The following PTPRM variants were observed in gnomAD, a reference collection of about 807,000 sequenced individuals.
The protein encoded by PTPRM is protein tyrosine phosphatase receptor type M, also known as receptor-type tyrosine-protein phosphatase mu.
PTPRM carries 47 observed loss-of-function variants against 186.7 expected under a neutral mutation model. That is an observed-to-expected ratio of 0.25 (90% CI 0.20 to 0.32). PTPRM has a LOEUF of 0.32. PTPRM is among the 10% of genes least tolerant of loss of function. PTPRM has a pLI of 1.00. For synonymous variants in PTPRM, 668 were observed against 674.9 expected, an observed-to-expected ratio of 0.99 and a Z score of 0.16; for missense variants, 1,494 against 1,865.0, an observed-to-expected ratio of 0.80 and a Z score of 3.66.
chr18:8,070,802 A>G (rs1275448208), intron 8 of PTPRM, among the ~76,000 whole-genome samples: 2 of 152,234 alleles, frequency 1.3e-5, no homozygotes, highest in Non-Finnish European at 2.9e-5. Context: ...AATGAATGAC[A>G]AAGAATGTAG....
intron 7 of PTPRM, among the ~76,000 whole-genome samples, chr18:7,966,487 A>C (rs994904626): frequency 6.6e-6 from 1 of 152,074 alleles, no homozygotes; most frequent in Non-Finnish European, 1.5e-5. Context: ...TCCGGTCTAC[A>C]GCTCCCAGCG....
intron 24 of PTPRM, among the ~76,000 whole-genome samples, chr18:8,374,329 AC>A (rs2095682329): frequency 6.6e-6 from 1 of 151,882 alleles, no homozygotes; most frequent in South Asian, 2.1e-4. Context: ...AAAACCCCAC[AC>A]CCCAAAAACC....
intron 7 of PTPRM, among the ~76,000 whole-genome samples, chr18:7,999,083 G>A (rs746141539): frequency 1.3e-5 from 2 of 152,032 alleles, no homozygotes; most frequent in East Asian, 1.9e-4. Context: ...GCCTATATTG[G>A]CAGCTCAGGA....
At chr18:8,130,451 T>C (rs2092475848) in intron 13 of PTPRM, among the ~76,000 whole-genome samples, 2 of 152,152 alleles carry the variant, frequency 1.3e-5, no homozygotes, top group African/African-American at 2.4e-5. Flanking sequence ...TTGTCAAAAA[T>C]TGATGTATTG....
intron 4 of PTPRM, among the ~76,000 whole-genome samples, chr18:7,915,652 T>A (rs746044403): frequency 2.6e-5 from 4 of 152,196 alleles, no homozygotes; most frequent in East Asian, 1.9e-4. Flanking sequence ...TAGGTACTTT[T>A]AAAAAATCTC....
At chr18:8,243,949 A>C in intron 14 of PTPRM, 109 bp from the exon 15 acceptor site, 1 of 1,104,328 alleles carries the variant, frequency 9.1e-7, no homozygotes, top group South Asian at 1.6e-5. Context: ...TCTCTGAATG[A>C]ATAGGATTAA....
chr18:7,607,785 G>T (rs563014477), intron 1 of PTPRM, among the ~76,000 whole-genome samples: 1 of 152,278 alleles, frequency 6.6e-6, no homozygotes, highest in South Asian at 2.1e-4. Flanking sequence ...CTCATTCCTC[G>T]CTCTGCCTTC....
chr18:8,372,064 T>TTTC (rs1193593246), intron 24 of PTPRM, among the ~76,000 whole-genome samples: 3 of 75,558 alleles, frequency 4.0e-5, no homozygotes. Flanking sequence ...TTCTTTTTTT[T>TTTC]TTTTTTTTTT....
At chr18:7,901,400 C>T (rs1411168913) in intron 3 of PTPRM, among the ~76,000 whole-genome samples, 1 of 151,692 alleles carries the variant, frequency 6.6e-6, no homozygotes, top group African/African-American at 2.4e-5. Flanking sequence ...CGGAGTCTTA[C>T]TCTGTCGCCA....
intron 13 of PTPRM, among the ~76,000 whole-genome samples, chr18:8,142,768 T>C (rs1428133267): frequency 6.6e-6 from 1 of 152,242 alleles, no homozygotes; most frequent in East Asian, 1.9e-4. Flanking sequence ...ACATTCTGAT[T>C]TTAAAAGTAC....
chr18:7,876,779 A>T lies in PTPRM; in HGVS notation c.197-11327A>T, dbSNP rs1866855. 8.1e-3 allele frequency among the ~76,000 whole-genome samples: 1,238 copies of T among 152,326 alleles called. 7 individuals are homozygous for T. The highest frequency in any genetic ancestry group is 0.012 in the Non-Finnish European group (834 of 68,032). Reference sequence around the variant, plus strand: ...ATTATTTATATATATACTTACAAGGATATAATGTTCCTCCTGAAGTTATCT... The same window carrying T: ...ATTATTTATATATATACTTACAAGGTTATAATGTTCCTCCTGAAGTTATCT... On this transcript the variant is annotated intron_variant, in intron 2 of 32. Transcript: ENST00000580170.
Position 7,599,791 on chromosome 18 carries a change from C to A in PTPRM, c.73+31900C>A, listed in dbSNP as rs150590481. 3.2e-3 allele frequency among the ~76,000 whole-genome samples: 494 copies of A among 152,290 alleles called. 4 individuals are homozygous for A. The highest frequency in any genetic ancestry group is 0.011 in the African/African-American group (472 of 41,560). On this transcript the variant is annotated intron_variant, in intron 1 of 32. Coordinates refer to ENST00000580170, the MANE Select transcript of PTPRM (RefSeq NM_001105244.2). ...TTGTGATGAGAGCTGTTCTTGGCCT[C>A]CCTTCTTGTGGCACCCTCCCGAGCT...
chr18:7,748,409 C>T (rs1330092091), intron 1 of PTPRM, among the ~76,000 whole-genome samples: 2 of 152,126 alleles, frequency 1.3e-5, no homozygotes, highest in African/African-American at 2.4e-5. Context: ...CCCCCTTCTT[C>T]CTCCCCTTCC....
At chr18:7,630,027 G>A (rs897045833) in intron 1 of PTPRM, among the ~76,000 whole-genome samples, 4 of 152,048 alleles carry the variant, frequency 2.6e-5, no homozygotes, top group African/African-American at 9.7e-5. Context: ...GGGTGGAGAG[G>A]GATGCCATTT....
intron 1 of PTPRM, among the ~76,000 whole-genome samples, chr18:7,725,819 C>T (rs1224945848): frequency 5.3e-5 from 8 of 152,242 alleles, no homozygotes; most frequent in East Asian, 3.9e-4. Flanking sequence ...GTCTTCAGTT[C>T]GTTCGTGTGA....
intron 14 of PTPRM, among the ~76,000 whole-genome samples, chr18:8,205,051 A>C (rs1347452283): frequency 6.6e-6 from 1 of 152,236 alleles, no homozygotes; most frequent in Admixed American, 6.5e-5. Flanking sequence ...GTGTGGCTAA[A>C]TGATTTCAGC....
chr18:8,050,558 T>C (rs1466576954), intron 7 of PTPRM, among the ~76,000 whole-genome samples: 1 of 152,148 alleles, frequency 6.6e-6, no homozygotes, highest in Non-Finnish European at 1.5e-5. Context: ...TACATTCACT[T>C]TCGTAGGCTT....
chr18:7,703,478 A>T (rs964481377), intron 1 of PTPRM, among the ~76,000 whole-genome samples: 1 of 152,064 alleles, frequency 6.6e-6, no homozygotes, highest in Non-Finnish European at 1.5e-5. Context: ...CTGTTGGTCT[A>T]TTATTGGTGT....
chr18:7,922,194 C>T (rs1291297874), intron 4 of PTPRM, among the ~76,000 whole-genome samples: 8 of 152,088 alleles, frequency 5.3e-5, no homozygotes, highest in Admixed American at 5.2e-4. Flanking sequence ...AAGGGATATA[C>T]CAGTAGTGTG....
Sources: allele counts gnomAD v4.1 joint callset (sites outside exome capture counted in the v4.1 genomes callset), GRCh38; gene constraint gnomAD v4.1.1; transcripts MANE v1.5; gene names NCBI Gene and HGNC (gene_info 2026-07-23, HGNC 2026-07-21).